LDLRAD4: variants seen among roughly 807,000 people sequenced by gnomAD.
LDLRAD4 encodes the protein low-density lipoprotein receptor class A domain-containing protein 4.
LDLRAD4 carries 5 observed loss-of-function variants against 17.0 expected under a neutral mutation model. That is an observed-to-expected ratio of 0.29 (90% CI 0.15 to 0.62). The LOEUF is 0.62. LDLRAD4 is among the 20% of genes least tolerant of loss of function. The pLI, the probability that LDLRAD4 is intolerant of heterozygous loss-of-function variation, is 0.84. For synonymous variants in LDLRAD4, 168 were observed against 171.8 expected, an observed-to-expected ratio of 0.98 and a Z score of 0.17; for missense variants, 340 against 424.7, an observed-to-expected ratio of 0.80 and a Z score of 1.75.
intron 3 of LDLRAD4, among the ~76,000 whole-genome samples, chr18:13,573,995 T>C (rs921838789): frequency 1.3e-5 from 2 of 152,166 alleles, no homozygotes; most frequent in East Asian, 3.9e-4. Context: ...AGAGTGAGGC[T>C]TGTGGGCTTC....
At chr18:13,283,880 G>A (rs115511047) in intron 1 of LDLRAD4, among the ~76,000 whole-genome samples, 9,434 of 152,214 alleles carry the variant, frequency 0.062, 976 homozygotes, top group African/African-American at 0.21. Flanking sequence ...CCTCAGAATC[G>A]TGGCTGAGGG....
chr18:13,396,775 G>T (rs1253684988), intron 2 of LDLRAD4, among the ~76,000 whole-genome samples: 1 of 152,142 alleles, frequency 6.6e-6, no homozygotes, highest in Non-Finnish European at 1.5e-5. Context: ...GAGCCACTGC[G>T]CCTGGCCTAT....
chr18:13,645,449 G>T lies in LDLRAD4; in HGVS notation c.713G>T (p.Ser238Ile), dbSNP rs777917220. Residue 238 changes from serine to isoleucine, a missense_variant, in exon 6 of 6, where the codon AGT becomes ATT. By Grantham distance (142) the Ser-to-Ile change is moderately radical. Transcript: ENST00000359446. The surrounding 1 kb of genome is among the most constrained non-coding windows in gnomAD (Gnocchi z 5.7). ...CCACCCAGCAGCAACTCGGGCATCA[G>T]TGCAAGCACCTGCAGCAGTAACGGG... 6.2e-7 allele frequency: 1 copy of T among 1,613,576 alleles called. No individual in the cohort carries two copies. The highest frequency in any genetic ancestry group is 8.5e-7 in the Non-Finnish European group (1 of 1,179,708).
chr18:13,633,290 C>G (rs191626878), intron 4 of LDLRAD4, among the ~76,000 whole-genome samples: 1 of 152,340 alleles, frequency 6.6e-6, no homozygotes, highest in East Asian at 1.9e-4. Context: ...GAAAAAGCAT[C>G]CTAAGTTCTT....
chr18:13,224,707 C>T (rs969121451), intron 1 of LDLRAD4, among the ~76,000 whole-genome samples: 8 of 151,710 alleles, frequency 5.3e-5, no homozygotes, highest in Admixed American at 2.0e-4. Context: ...GTCTTGATCT[C>T]CTGACCTCAT....
chr18:13,231,570 G>A (rs1381927849), intron 1 of LDLRAD4, among the ~76,000 whole-genome samples: 1 of 152,232 alleles, frequency 6.6e-6, no homozygotes, highest in Non-Finnish European at 1.5e-5. Flanking sequence ...GCAGTGGGGA[G>A]CTCTGTCTCG....
intron 1 of LDLRAD4, among the ~76,000 whole-genome samples, chr18:13,362,913 T>C (rs974044263): frequency 3.3e-5 from 5 of 152,006 alleles, no homozygotes; most frequent in African/African-American, 1.2e-4. Context: ...GCTTGAGATA[T>C]GAGAGCCCAA....
chr18:13,536,581 T>C (rs905429401), intron 3 of LDLRAD4, among the ~76,000 whole-genome samples: 2 of 152,156 alleles, frequency 1.3e-5, no homozygotes, highest in African/African-American at 2.4e-5. Context: ...TTTACATCTT[T>C]TTTTCCCAGC....
chr18:13,410,516 A>G (rs1208652599), intron 2 of LDLRAD4, among the ~76,000 whole-genome samples: 2 of 152,222 alleles, frequency 1.3e-5, no homozygotes, highest in Non-Finnish European at 2.9e-5. Context: ...CTTTATGGGT[A>G]TGTATACCCT....
At chr18:13,565,057 T>C (rs370574893) in intron 3 of LDLRAD4, 1 of 152,200 alleles carries the variant, frequency 6.6e-6, no homozygotes. Flanking sequence ...GTCTGGAAAA[T>C]AAAGGTAATT....
At position 13,425,518 on chromosome 18, in the gene LDLRAD4, C is replaced by A. The variant is rs996803383; in HGVS notation, c.41-12726C>A. On this transcript the variant is annotated intron_variant, in intron 2 of 5. Coordinates refer to ENST00000359446, the Ensembl canonical transcript of LDLRAD4. ...CTGTCAGCCTACTGGGGCACTTCCT[C>A]CCTCCAGGAAGGTGGAGGAATATGA... Among the ~76,000 whole-genome samples, 5 of 152,234 alleles carry A rather than the reference C, an allele frequency of 3.3e-5. No individual in the cohort carries two copies. In the South Asian group the frequency reaches 6.2e-4, roughly 19 times the overall value.
chr18:13,648,028 A>T (rs1043798866), exon 6 of LDLRAD4: 20 of 152,376 alleles, frequency 1.3e-4, no homozygotes, highest in African/African-American at 4.6e-4. Flanking sequence ...AGGGACTTGC[A>T]GTGGATTCTT....
chr18:13,270,027 C>T (rs1056132191), intron 1 of LDLRAD4, among the ~76,000 whole-genome samples: 2 of 152,140 alleles, frequency 1.3e-5, no homozygotes, highest in Admixed American at 6.5e-5. Flanking sequence ...TGTCTAGAGC[C>T]GTGTCACTGG....
chr18:13,371,349 T>A (rs1238919570), intron 1 of LDLRAD4, among the ~76,000 whole-genome samples: 2 of 152,238 alleles, frequency 1.3e-5, no homozygotes, highest in Non-Finnish European at 2.9e-5. Context: ...CATGCCCTGC[T>A]GCTGCTGGAG....
chr18:13,432,421 G>A (rs2090403597), intron 2 of LDLRAD4, among the ~76,000 whole-genome samples: 1 of 152,204 alleles, frequency 6.6e-6, no homozygotes, highest in Admixed American at 6.5e-5. Flanking sequence ...TAAAATTGGT[G>A]TCTAGGATAG....
At chr18:13,512,117 T>C (rs759705941) in intron 3 of LDLRAD4, among the ~76,000 whole-genome samples, 1 of 152,240 alleles carries the variant, frequency 6.6e-6, no homozygotes, top group African/African-American at 2.4e-5. Context: ...TGTAATTTCC[T>C]TCCTGTTCCT....
At chr18:13,457,581 G>A (rs2092210765) in intron 3 of LDLRAD4, among the ~76,000 whole-genome samples, 2 of 152,176 alleles carry the variant, frequency 1.3e-5, no homozygotes, top group African/African-American at 4.8e-5. Flanking sequence ...AGAAGGTTGG[G>A]GAAGTTCTGT....
At chr18:13,357,077 T>C (rs573066250) in intron 1 of LDLRAD4, among the ~76,000 whole-genome samples, 3 of 152,256 alleles carry the variant, frequency 2.0e-5, no homozygotes, top group African/African-American at 7.2e-5. Context: ...GAGGTTGCAG[T>C]GAGCTGAGGT....
At chr18:13,390,592 G>C (rs894206662) in intron 2 of LDLRAD4, among the ~76,000 whole-genome samples, 3 of 152,176 alleles carry the variant, frequency 2.0e-5, no homozygotes, top group Non-Finnish European at 4.4e-5. Context: ...GGGAAGCACT[G>C]GGAGCTGGCA....
Sources: allele counts gnomAD v4.1 joint callset (sites outside exome capture counted in the v4.1 genomes callset), GRCh38; gene constraint gnomAD v4.1.1; non-coding constraint Gnocchi (gnomAD v3.1); transcripts MANE v1.5; gene names NCBI Gene and HGNC (gene_info 2026-07-23, HGNC 2026-07-21).